The following ZRANB3 variants were observed in gnomAD, a reference collection of about 807,000 sequenced individuals.
The protein encoded by ZRANB3 is zinc finger RANBP2-type containing 3.
In ZRANB3, 125 loss-of-function variants were observed where a neutral mutation model predicts 133.8. The ratio of observed to expected loss-of-function variants is 0.93; its 90% CI spans 0.81 to 1.08. The LOEUF is 1.08. ZRANB3 is among the 50% of genes least tolerant of loss of function. The pLI is 0.00. For missense variants in ZRANB3, 1,229 were observed against 1,275.5 expected (o/e 0.96, Z 0.56); for synonymous variants, 387 against 432.7 (o/e 0.89, Z 1.31).
intron 8 of ZRANB3, among the ~76,000 whole-genome samples, chr2:135,303,510 C>G (rs1035315603): frequency 6.6e-6 from 1 of 152,122 alleles, no homozygotes; most frequent in African/African-American, 2.4e-5. Context: ...CCTTTCTTAA[C>G]AGATCAACTG....
At chr2:135,226,771 C>T (rs1694775662) in intron 14 of ZRANB3, among the ~76,000 whole-genome samples, 1 of 152,080 alleles carries the variant, frequency 6.6e-6, no homozygotes, top group Non-Finnish European at 1.5e-5. Context: ...TGTCCCATTA[C>T]CAGAGTTTCA....
intron 2 of ZRANB3, among the ~76,000 whole-genome samples, chr2:135,400,184 G>C: frequency 6.6e-6 from 1 of 151,982 alleles, no homozygotes; most frequent in East Asian, 1.9e-4. Flanking sequence ...AAGTTGCCGT[G>C]AGCCAAGATT....
At chr2:135,249,510 C>A (rs1051781608) in intron 12 of ZRANB3, among the ~76,000 whole-genome samples, 6 of 152,172 alleles carry the variant, frequency 3.9e-5, no homozygotes, top group Non-Finnish European at 5.9e-5. Context: ...AAACCAAATA[C>A]CACGTTCTCA....
chr2:135,399,773 T>C (rs1687655958), intron 2 of ZRANB3, among the ~76,000 whole-genome samples: 2 of 152,312 alleles, frequency 1.3e-5, no homozygotes, highest in Admixed American at 6.5e-5. Context: ...TCTTGGTACA[T>C]GGTCACGGGG....
intron 2 of ZRANB3, among the ~76,000 whole-genome samples, chr2:135,473,594 G>A (rs962918111): frequency 6.6e-5 from 10 of 151,570 alleles, no homozygotes; most frequent in Non-Finnish European, 1.3e-4. Flanking sequence ...ATACACATTC[G>A]ATTTTAAAAT....
intron 19 of ZRANB3, among the ~76,000 whole-genome samples, chr2:135,205,021 T>A (rs1423436486): frequency 1.3e-5 from 2 of 151,974 alleles, no homozygotes; most frequent in Admixed American, 6.6e-5. Flanking sequence ...AATATGTCCC[T>A]CGCCAATGAG....
chr2:135,463,614 G>A (rs538046174), intron 2 of ZRANB3, among the ~76,000 whole-genome samples: 127 of 151,922 alleles, frequency 8.4e-4, no homozygotes, highest in African/African-American at 2.7e-3. Flanking sequence ...TCGGGGTTTC[G>A]CCATGTTGGG....
intron 12 of ZRANB3, among the ~76,000 whole-genome samples, chr2:135,231,940 G>A (rs1004082597): frequency 5.3e-5 from 8 of 152,186 alleles, no homozygotes; most frequent in Non-Finnish European, 1.2e-4. Context: ...GTCAGACAGT[G>A]GGTGCAGGAC....
intron 6 of ZRANB3, among the ~76,000 whole-genome samples, chr2:135,338,039 C>T (rs1245233880): frequency 2.6e-5 from 4 of 152,132 alleles, no homozygotes; most frequent in African/African-American, 9.7e-5. Flanking sequence ...GATGACTGTG[C>T]TGCGTATTTT....
intron 3 of ZRANB3, among the ~76,000 whole-genome samples, chr2:135,373,720 G>A (rs921365224): frequency 2.1e-5 from 3 of 145,090 alleles, no homozygotes; most frequent in African/African-American, 5.0e-5. Context: ...CACAGGAGAC[G>A]GAGGTTGCAG....
rs557218728 is a variant in ZRANB3, at chr2:135,341,012, AACTG to A, written c.677+4534_677+4537del. 1.5e-3 allele frequency among the ~76,000 whole-genome samples: 226 copies of A among 145,964 alleles called. 25 individuals are homozygous for A. Among genetic ancestry groups the A allele is most frequent in the African/African-American group, 5.4e-3 (199 of 36,972 alleles). ...AAATATTATTTGTGTAGAGAAAGAC[AACTG>A]ACTATTTATTGATTGATTGATTGAT... is the stretch of plus-strand genomic sequence containing the variant. On this transcript the variant is annotated intron_variant, in intron 6 of 20. Transcript: ENST00000264159.
intron 2 of ZRANB3, among the ~76,000 whole-genome samples, chr2:135,439,491 T>C (rs1051037406): frequency 5.3e-5 from 8 of 152,198 alleles, no homozygotes; most frequent in Non-Finnish European, 1.2e-4. Flanking sequence ...ATAAGAGATT[T>C]GGCTTTCCAC....
intron 2 of ZRANB3, among the ~76,000 whole-genome samples, chr2:135,494,300 T>C (rs1574199859): frequency 1.8e-5 from 2 of 108,306 alleles, no homozygotes; most frequent in African/African-American, 3.7e-5. Flanking sequence ...AGAGCAAGAC[T>C]CCGTCTCAAA....
chr2:135,406,051 A>C (rs1308836406), intron 2 of ZRANB3, among the ~76,000 whole-genome samples: 2 of 151,992 alleles, frequency 1.3e-5, no homozygotes, highest in Non-Finnish European at 2.9e-5. Flanking sequence ...TTTGAGAAGA[A>C]CAACAAAATT....
intron 6 of ZRANB3, among the ~76,000 whole-genome samples, chr2:135,318,358 T>C (rs1319384307): frequency 1.3e-5 from 2 of 151,992 alleles, no homozygotes; most frequent in South Asian, 4.2e-4. Flanking sequence ...AATTCCTACA[T>C]ATATAAAATG....
chr2:135,451,489 G>A (rs1014801475), intron 2 of ZRANB3, among the ~76,000 whole-genome samples: 5 of 151,876 alleles, frequency 3.3e-5, no homozygotes, highest in African/African-American at 4.8e-5. Context: ...TTAAACCTGG[G>A]AGGCGGAGGT....
chr2:135,436,918 G>A (rs1185259759), intron 2 of ZRANB3, among the ~76,000 whole-genome samples: 1 of 152,134 alleles, frequency 6.6e-6, no homozygotes, highest in Admixed American at 6.5e-5. Flanking sequence ...AGATTAAAAT[G>A]GAAACAACAC....
chr2:135,291,317 G>C (rs900478484), intron 8 of ZRANB3, among the ~76,000 whole-genome samples: 1 of 152,084 alleles, frequency 6.6e-6, no homozygotes, highest in African/African-American at 2.4e-5. Context: ...CAAGTAGCTA[G>C]TATTACTGGC....
At chr2:135,203,065 G>A (rs2105032748) in intron 19 of ZRANB3, 102 bp from the exon 20 acceptor site, 1 of 1,384,828 alleles carries the variant, frequency 7.2e-7, no homozygotes, top group Non-Finnish European at 9.8e-7. Context: ...GGAAAATCAT[G>A]GGGAAAAATA....
Sources: gnomAD v4.1 joint callset for allele counts (sites outside exome capture counted in the v4.1 genomes callset) on GRCh38, gnomAD v4.1.1 for gene constraint, MANE v1.5 for transcripts, NCBI Gene and HGNC (gene_info 2026-07-23, HGNC 2026-07-21) for gene names.